ADAMTS10: variants seen among roughly 807,000 people sequenced by gnomAD.
The protein encoded by ADAMTS10 is A disintegrin and metalloproteinase with thrombospondin motifs 10.
Under a neutral mutation model 135.9 loss-of-function variants are expected in ADAMTS10, and 48 were observed. The ratio of observed to expected loss-of-function variants is 0.35; its 90% CI spans 0.28 to 0.45. ADAMTS10 has a LOEUF of 0.45. Among genes scored for constraint, ADAMTS10 ranks in the 20% least tolerant of loss-of-function variants. The pLI is 1.00. For missense variants in ADAMTS10, 1,131 were observed against 1,565.2 expected (o/e 0.72, Z 4.68); for synonymous variants, 621 against 647.5 (o/e 0.96, Z 0.62).
chr19:8,584,154 C>CAAAAAAAAAAAAAAAAAAAAAAAGA (rs1568390786), intron 25 of ADAMTS10, among the ~76,000 whole-genome samples: 1 of 44,872 alleles, frequency 2.2e-5, no homozygotes, highest in Non-Finnish European at 4.2e-5. Flanking sequence ...GACTCCATCT[C>CAAAAAAAAAAAAAAAAAAAAAAAGA]AAAAAAAAAA....
In ADAMTS10 at chr19:8,596,459, T is replaced by C. The variant is rs7247944; in HGVS notation, c.1085-47A>G. On this transcript the variant is annotated intron_variant, in intron 9 of 25. Coordinates refer to ENST00000597188, the MANE Select transcript of ADAMTS10 (RefSeq NM_030957.4). This position sits in a 1 kb window ranked among gnomAD's most constrained non-coding sequence, Gnocchi z 7.2. ...GATGGGGCTGGGAGGCTCAGGACGG[T>C]GCTGGCTGGCCCCATCCACCTGCCA... is the stretch of plus-strand genomic sequence containing the variant. The C allele has an allele frequency of 5.2e-4, 836 of 1,612,080 alleles. 7 individuals carry two copies. The African/African-American group carries it at 9.6e-3, about 19-fold the overall frequency.
Position 8,595,867 on chromosome 19 carries a change from G to C in ADAMTS10, c.1374C>G (p.Pro458=), listed in dbSNP as rs782777529. The C allele has an allele frequency of 5.6e-6, 9 of 1,614,150 alleles. No individual in the cohort carries two copies. The highest frequency in any genetic ancestry group is 3.3e-4 in the Middle Eastern group (2 of 6,062). The change falls in exon 12 of 26, where the codon CCC becomes CCG. Residue 458 remains proline, a synonymous_variant. Coordinates refer to ENST00000597188, the MANE Select transcript of ADAMTS10 (RefSeq NM_030957.4). ...CTGTCGGGTACACAAAGTCCTGTCT[G>C]GGGGGCCGGTTGTTCAGGCAGAGCC... The part of the protein sequence containing the change: ...GLGLCLNNRP[P]RQDFVYPTVA...
rs114966928 is a variant in ADAMTS10 at position 8,584,599 on chromosome 19, A to G, written c.3202+296T>C. Among the ~76,000 whole-genome samples, 1,168 of 152,328 alleles carry G rather than the reference A, an allele frequency of 7.7e-3. 13 individuals are homozygous for G. Among genetic ancestry groups the G allele is most frequent in the African/African-American group, 0.026 (1,079 of 41,582 alleles). ...AGGTTGAAAAACCGATTTAAAGGAA[A>G]AATATTCAGGAAATTGTGCTACAGG... On this transcript the variant is annotated intron_variant, in intron 25 of 25. Coordinates refer to ENST00000597188, the MANE Select transcript of ADAMTS10 (RefSeq NM_030957.4).
At position 8,590,006 on chromosome 19, in the gene ADAMTS10, G is replaced by C. The variant is rs1555738534; in HGVS notation, c.1798-15C>G. 6 of 1,597,036 alleles carry C rather than the reference G, an allele frequency of 3.8e-6. No individual in the cohort carries two copies. Among genetic ancestry groups the C allele is most frequent in the Non-Finnish European group, 3.4e-6 (4 of 1,166,182 alleles). On this transcript the variant is annotated splice_polypyrimidine_tract_variant and intron_variant, in intron 15 of 25. Transcript: ENST00000597188. ...GGGGGACAGTCCTGGGGGCAGGAGA[G>C]GAGAGATGGAGGGAGGCCAGGCTTG...
chr19:8,596,699 T>C lies in ADAMTS10; in HGVS notation c.1041-114A>G. 1 of 1,338,410 alleles carries C rather than the reference T, an allele frequency of 7.5e-7. No individual in the cohort carries two copies. 82.9% of individuals were successfully genotyped at this position (1,338,410 alleles called of 1,614,324 possible). On this transcript the variant is annotated intron_variant, in intron 8 of 25. Coordinates refer to ENST00000597188, the MANE Select transcript of ADAMTS10 (RefSeq NM_030957.4). The surrounding 1 kb of genome is among the most constrained non-coding windows in gnomAD (Gnocchi z 7.2). ...CTGCCTTGGAGGCGCCATCTGCCTC[T>C]CACCTGAAGCTGCATACAGGAGTGA... is the stretch of plus-strand genomic sequence containing the variant.
chr19:8,592,400 C>G (rs1394835952), intron 13 of ADAMTS10, among the ~76,000 whole-genome samples: 1 of 151,880 alleles, frequency 6.6e-6, no homozygotes, highest in African/African-American at 2.4e-5. Flanking sequence ...GAGGGGAGGT[C>G]TACAGGCAGT....
At chr19:8,594,581 A>G (rs2042581558) in intron 12 of ADAMTS10, among the ~76,000 whole-genome samples, 1 of 152,140 alleles carries the variant, frequency 6.6e-6, no homozygotes, top group South Asian at 2.1e-4. Context: ...TGTAAAATTT[A>G]GAGAGTCATG....
Position 8,580,609 on chromosome 19 carries a change from A to T in ADAMTS10, c.*284T>A. 2.4e-6 allele frequency: 1 copy of T among 419,566 alleles called. No individual in the cohort carries two copies. The highest frequency in any genetic ancestry group is 4.5e-6 in the Non-Finnish European group (1 of 222,488). The allele number at this position is 419,566 out of a possible 1,614,324, so 26.0% of individuals were successfully genotyped here. ...GGGGACTCCCTAAGGGTGGGTTCAAAGGGTGCTGGGGTGAACAGCTGTCCC... is the reference window on the plus strand; with the variant it reads ...GGGGACTCCCTAAGGGTGGGTTCAATGGGTGCTGGGGTGAACAGCTGTCCC... On this transcript the variant is annotated 3_prime_UTR_variant, in exon 26 of 26. Transcript: ENST00000597188.
chr19:8,606,763 G>A (rs1306083638), intron 2 of ADAMTS10, among the ~76,000 whole-genome samples: 1 of 152,140 alleles, frequency 6.6e-6, no homozygotes, highest in African/African-American at 2.4e-5. Context: ...TATAGCCTCC[G>A]GTGGAGGGTG....
chr19:8,604,850 C>G, intron 4 of ADAMTS10, 162 bp downstream of exon 4: 2 of 775,408 alleles, frequency 2.6e-6, no homozygotes, highest in Non-Finnish European at 4.2e-6. Flanking sequence ...TATACATTTT[C>G]CTTTAAGTAC....
In ADAMTS10 at chr19:8,584,065, G is replaced by A. The variant is rs199987019; in HGVS notation, c.3202+830C>T. On this transcript the variant is annotated intron_variant, in intron 25 of 25. Coordinates refer to ENST00000597188, the MANE Select transcript of ADAMTS10 (RefSeq NM_030957.4). The stretch of plus-strand genomic sequence containing the variant: ...CCAGCTACTCAGCAGGCTGAGGCAG[G>A]AGAATCGATTGAACCCAGGAGGCGG... 1.0e-4 allele frequency among the ~76,000 whole-genome samples: 15 copies of A among 148,516 alleles called. No individual in the cohort carries two copies. In the East Asian group the frequency reaches 2.6e-3, roughly 26 times the overall value.
Position 8,590,007 on chromosome 19 carries a change from G to T in ADAMTS10, c.1798-16C>A. 5.0e-6 allele frequency: 8 copies of T among 1,597,128 alleles called. No individual in the cohort carries two copies. Among genetic ancestry groups the T allele is most frequent in the Non-Finnish European group, 6.9e-6 (8 of 1,166,282 alleles). Reference sequence around the variant, plus strand: ...GGGGACAGTCCTGGGGGCAGGAGAGGAGAGATGGAGGGAGGCCAGGCTTGG... The same window carrying T: ...GGGGACAGTCCTGGGGGCAGGAGAGTAGAGATGGAGGGAGGCCAGGCTTGG... On this transcript the variant is annotated splice_polypyrimidine_tract_variant and intron_variant, in intron 15 of 25. Coordinates refer to ENST00000597188, the MANE Select transcript of ADAMTS10 (RefSeq NM_030957.4).
At chr19:8,603,679 G>A in intron 5 of ADAMTS10, 49 bp downstream of exon 5, 1 of 1,611,828 alleles carries the variant, frequency 6.2e-7, no homozygotes, top group South Asian at 1.1e-5. Context: ...CTGCCTCAAG[G>A]GAAAGATACT....
intron 1 of ADAMTS10, among the ~76,000 whole-genome samples, chr19:8,609,234 C>CCG (rs2042754711): frequency 7.2e-6 from 1 of 139,834 alleles, no homozygotes; most frequent in African/African-American, 2.6e-5. Flanking sequence ...GTGTGTGACC[C>CCG]TGTGTGTGTG....
intron 18 of ADAMTS10, among the ~76,000 whole-genome samples, chr19:8,587,301 C>T (rs1458356301): frequency 1.4e-5 from 2 of 141,114 alleles, no homozygotes; most frequent in Non-Finnish European, 3.0e-5. Flanking sequence ...GGACTACAGG[C>T]GTGAGCCACC....
At chr19:8,592,564 G>T (rs1394365073) in intron 13 of ADAMTS10, among the ~76,000 whole-genome samples, 199 bp downstream of exon 13, 1 of 151,672 alleles carries the variant, frequency 6.6e-6, no homozygotes, top group African/African-American at 2.4e-5. Context: ...CAGAACCAAG[G>T]GACGCATAGA....
At chr19:8,588,199 G>A (rs2042465469) in intron 18 of ADAMTS10, among the ~76,000 whole-genome samples, 6 of 152,116 alleles carry the variant, frequency 3.9e-5, no homozygotes, top group Admixed American at 2.6e-4. Context: ...AGTGAGCCGA[G>A]ATCAAGCCAC....
At chr19:8,595,395 T>A (rs1367520125) in intron 12 of ADAMTS10, among the ~76,000 whole-genome samples, 2 of 152,154 alleles carry the variant, frequency 1.3e-5, no homozygotes, top group Non-Finnish European at 2.9e-5. Flanking sequence ...AGGGAAATTA[T>A]TTCCGTCAGG....
intron 12 of ADAMTS10, among the ~76,000 whole-genome samples, chr19:8,594,390 C>T (rs2042579662): frequency 6.6e-6 from 1 of 152,190 alleles, no homozygotes; most frequent in Non-Finnish European, 1.5e-5. Flanking sequence ...ATCTCTGGAC[C>T]AGGCACCAGG....
Sources: gnomAD v4.1 joint callset for allele counts (sites outside exome capture counted in the v4.1 genomes callset) on GRCh38, gnomAD v4.1.1 for gene constraint, Gnocchi (gnomAD v3.1) non-coding constraint, MANE v1.5 for transcripts, NCBI Gene and HGNC (gene_info 2026-07-23, HGNC 2026-07-21) for gene names.